ARHGDIB: variants seen among roughly 807,000 people sequenced by gnomAD.
ARHGDIB encodes Rho GDP dissociation inhibitor beta, also known as rho GDP-dissociation inhibitor 2.
A neutral mutation model predicts 22.6 loss-of-function variants in ARHGDIB; 20 were observed. The ratio of observed to expected loss-of-function variants is 0.88; its 90% CI spans 0.62 to 1.28. The LOEUF is 1.28. Ranked by LOEUF, ARHGDIB falls within the 50% of genes most tolerant of loss-of-function variation. ARHGDIB has a pLI of 0.00. For synonymous variants in ARHGDIB, 114 were observed against 96.1 expected (o/e 1.19, Z -1.09); for missense variants, 254 against 245.4 (o/e 1.04, Z -0.23).
rs200943283 is a variant in ARHGDIB, at chr12:14,950,759, G to C, written c.-12-35C>G. 2.1e-3 allele frequency: 3,280 copies of C among 1,535,608 alleles called. 18 individuals carry two copies. The highest frequency in any genetic ancestry group is 9.6e-3 in the South Asian group (757 of 78,936). On this transcript the variant is annotated intron_variant, in intron 1 of 5. Coordinates refer to ENST00000228945, the MANE Select transcript of ARHGDIB (RefSeq NM_001175.7). ...AGAATGACAGCCCGTTAGTCAACAAGTCATGAATATAAAAGATGTTAGTGG... is the reference window on the plus strand; with the variant it reads ...AGAATGACAGCCCGTTAGTCAACAACTCATGAATATAAAAGATGTTAGTGG...
intron 1 of ARHGDIB, among the ~76,000 whole-genome samples, chr12:14,959,952 T>G (rs1342301989): frequency 6.6e-6 from 1 of 152,176 alleles, no homozygotes. Flanking sequence ...GGGAATATAT[T>G]CTTACAAATT....
intron 1 of ARHGDIB, among the ~76,000 whole-genome samples, chr12:14,959,695 C>T (rs1025728459): frequency 6.6e-6 from 1 of 152,090 alleles, no homozygotes; most frequent in Non-Finnish European, 1.5e-5. Flanking sequence ...GAAAACAGAA[C>T]CTTAATGTTG....
At chr12:14,950,476 A>G in intron 2 of ARHGDIB, 56 bp downstream of exon 2, 2 of 1,510,784 alleles carry the variant, frequency 1.3e-6, no homozygotes, top group South Asian at 2.6e-5. Context: ...AGCAGCCAAA[A>G]TGTCTTCTTC....
chr12:14,947,506 T>C (rs543184911), intron 4 of ARHGDIB, among the ~76,000 whole-genome samples: 1 of 152,330 alleles, frequency 6.6e-6, no homozygotes, highest in African/African-American at 2.4e-5. Context: ...GTGTGAAATA[T>C]TGGAAAGGAG....
At chr12:14,955,677 A>T (rs1390253613) in intron 1 of ARHGDIB, among the ~76,000 whole-genome samples, 2 of 152,232 alleles carry the variant, frequency 1.3e-5, no homozygotes, top group Admixed American at 1.3e-4. Flanking sequence ...GTTTCTCCCG[A>T]AGCCCCAGCC....
At chr12:14,942,759 A>G in intron 5 of ARHGDIB, 38 bp from the exon 6 acceptor site, 2 of 1,589,878 alleles carry the variant, frequency 1.3e-6, no homozygotes, top group Non-Finnish European at 8.6e-7. Flanking sequence ...TAAGAGCCTG[A>G]TAGAGGAAAA....
intron 5 of ARHGDIB, among the ~76,000 whole-genome samples, chr12:14,942,952 T>C (rs1565457770): frequency 6.6e-6 from 1 of 150,962 alleles, no homozygotes; most frequent in Non-Finnish European, 1.5e-5. Flanking sequence ...CACCACAACC[T>C]CCACCTCCCA....
intron 1 of ARHGDIB, among the ~76,000 whole-genome samples, chr12:14,954,473 G>A (rs376645495): frequency 2.6e-5 from 4 of 152,342 alleles, no homozygotes; most frequent in East Asian, 1.9e-4. Flanking sequence ...GGAGAATTCC[G>A]TGGTCATTCC....
intron 1 of ARHGDIB, among the ~76,000 whole-genome samples, chr12:14,957,223 A>G (rs1254153680): frequency 2.6e-5 from 4 of 152,158 alleles, no homozygotes. Flanking sequence ...TAAAATGGGG[A>G]TATTCTTTTT....
chr12:14,960,561 T>A (rs377411667), intron 1 of ARHGDIB, among the ~76,000 whole-genome samples: 1 of 152,206 alleles, frequency 6.6e-6, no homozygotes, highest in East Asian at 1.9e-4. Context: ...TGGAGTGCAA[T>A]GGCGTGATCT....
intron 1 of ARHGDIB, among the ~76,000 whole-genome samples, chr12:14,960,033 C>A (rs963879560): frequency 6.6e-6 from 1 of 152,192 alleles, no homozygotes; most frequent in African/African-American, 2.4e-5. Context: ...CCTGTCTCTC[C>A]GGACCAACAG....
chr12:14,949,746 A>T, intron 3 of ARHGDIB, 56 bp downstream of exon 3: 19 of 1,545,752 alleles, frequency 1.2e-5, no homozygotes, highest in Non-Finnish European at 1.7e-5. Flanking sequence ...ACAGAGACCA[A>T]GTTTTCTTTG....
intron 2 of ARHGDIB, among the ~76,000 whole-genome samples, chr12:14,950,143 T>C (rs1443638295): frequency 2.0e-5 from 3 of 152,196 alleles, no homozygotes; most frequent in African/African-American, 7.2e-5. Flanking sequence ...ATGGGTCAGG[T>C]ACTCTGCTAA....
Position 14,950,735 on chromosome 12 carries a change from G to T in ARHGDIB, c.-12-11C>A. On this transcript the variant is annotated splice_polypyrimidine_tract_variant and intron_variant, in intron 1 of 5. Transcript: ENST00000228945. The stretch of plus-strand genomic sequence containing the variant: ...CATTCTGATCTATTTCTGGGAGACA[G>T]AATGACAGCCCGTTAGTCAACAAGT... The T allele has an allele frequency of 6.3e-7, 1 of 1,577,820 alleles. No individual in the cohort carries two copies. Among genetic ancestry groups the T allele is most frequent in the Middle Eastern group, 1.7e-4 (1 of 5,862 alleles).
intron 5 of ARHGDIB, among the ~76,000 whole-genome samples, chr12:14,943,512 T>C (rs757528516): frequency 1.2e-4 from 19 of 152,300 alleles, no homozygotes; most frequent in Non-Finnish European, 2.5e-4. Flanking sequence ...ATAACATTTT[T>C]GAGCCTCCAT....
In ARHGDIB at chr12:14,942,338, C is replaced by T. The variant is rs1368112028; in HGVS notation, c.*184G>A. On this transcript the variant is annotated 3_prime_UTR_variant, in exon 6 of 6. Coordinates refer to ENST00000228945, the MANE Select transcript of ARHGDIB (RefSeq NM_001175.7). ...TCAGAGGGAGCAGGTTGGGTGAAAG[C>T]CCGGTTTTAAGCCTCTTGTTCTAGG... is the stretch of plus-strand genomic sequence containing the variant. 4.6e-6 allele frequency: 3 copies of T among 651,538 alleles called. No individual in the cohort carries two copies. The highest frequency in any genetic ancestry group is 7.9e-6 in the Non-Finnish European group (3 of 381,752). 40.4% of individuals were successfully genotyped at this position (651,538 alleles called of 1,614,324 possible).
rs1336192638 is a variant in ARHGDIB at position 14,949,012 on chromosome 12, A to C, written c.265+790T>G. ...ACTGGCTGTGTCCTGTGAGAGGGGAACTACTCTGCTGCTAACTAAGCCAAC... is the reference window on the plus strand; with the variant it reads ...ACTGGCTGTGTCCTGTGAGAGGGGACCTACTCTGCTGCTAACTAAGCCAAC... On this transcript the variant is annotated intron_variant, in intron 3 of 5. Coordinates refer to ENST00000228945, the MANE Select transcript of ARHGDIB (RefSeq NM_001175.7). 2 of 152,246 alleles carry C rather than the reference A, an allele frequency of 1.3e-5. 1 individual carries two copies. The highest frequency in any genetic ancestry group is 3.8e-4 in the East Asian group (2 of 5,198). 9.4% of individuals were successfully genotyped at this position (152,246 alleles called of 1,614,324 possible).
At chr12:14,953,897 CTTCT>C (rs1012861038) in intron 1 of ARHGDIB, among the ~76,000 whole-genome samples, 54 of 150,750 alleles carry the variant, frequency 3.6e-4, no homozygotes, top group African/African-American at 1.3e-3. Context: ...CTCTCTCTCC[CTTCT>C]TTCTTTCTCT....
chr12:14,945,341 A>T (rs555366920), intron 4 of ARHGDIB, among the ~76,000 whole-genome samples: 1 of 152,390 alleles, frequency 6.6e-6, no homozygotes, highest in East Asian at 1.9e-4. Context: ...TGTCTAGAAG[A>T]TGGCTGTGAC....
Sources: gnomAD v4.1 joint callset for allele counts (sites outside exome capture counted in the v4.1 genomes callset) on GRCh38, gnomAD v4.1.1 for gene constraint, MANE v1.5 for transcripts, NCBI Gene and HGNC (gene_info 2026-07-23, HGNC 2026-07-21) for gene names.